The following MYO3B variants were observed in gnomAD, a reference collection of about 807,000 sequenced individuals.
MYO3B encodes myosin IIIB.
MYO3B carries 156 observed loss-of-function variants against 174.6 expected under a neutral mutation model. That is an observed-to-expected ratio of 0.89 (90% CI 0.78 to 1.02). The LOEUF (loss-of-function observed/expected upper bound fraction) is 1.02. Ranked by LOEUF, MYO3B falls within the 50% of genes least tolerant of loss-of-function variation. The pLI, the probability that MYO3B is intolerant of heterozygous loss-of-function variation, is 0.00. For missense variants in MYO3B, 1,632 were observed against 1,639.4 expected (o/e 1.00, Z 0.08); for synonymous variants, 563 against 569.1 (o/e 0.99, Z 0.15).
rs2092634502 is a variant in MYO3B at position 170,199,229 on chromosome 2, T to C, written c.24T>C (p.Phe8=). The stretch of plus-strand genomic sequence containing the variant: ...CCAGGAAACATCTGTATGGATTATT[T>C]CACTATAATCCTATGATGCTTGGAC... MKHLYGL[F]HYNPMMLGLE... The change falls in exon 2 of 35, where the codon TTT becomes TTC. Residue 8 remains phenylalanine (F), a synonymous_variant. Transcript: ENST00000408978. 1 of 1,611,568 alleles carries C rather than the reference T, an allele frequency of 6.2e-7. No individual in the cohort carries two copies. Among genetic ancestry groups the C allele is most frequent in the South Asian group, 1.1e-5 (1 of 90,670 alleles).
intron 32 of MYO3B, among the ~76,000 whole-genome samples, chr2:170,589,610 G>A (rs993275392): frequency 6.6e-6 from 1 of 152,104 alleles, no homozygotes; most frequent in Non-Finnish European, 1.5e-5. Flanking sequence ...AAGATATAAA[G>A]AAAATGTTTT....
intron 5 of MYO3B, among the ~76,000 whole-genome samples, chr2:170,216,510 T>C (rs1205064799): frequency 3.9e-4 from 60 of 152,226 alleles, no homozygotes; most frequent in Non-Finnish European, 1.6e-4. Flanking sequence ...TTTAATCCTG[T>C]GGACCTTTAC....
intron 32 of MYO3B, among the ~76,000 whole-genome samples, chr2:170,596,848 C>G (rs900372061): frequency 6.6e-6 from 1 of 152,228 alleles, no homozygotes; most frequent in African/African-American, 2.4e-5. Flanking sequence ...GGCTTAGATT[C>G]CTTCAGAAAA....
At chr2:170,290,381 T>TA (rs2105416165) in intron 7 of MYO3B, among the ~76,000 whole-genome samples, 1 of 152,314 alleles carries the variant, frequency 6.6e-6, no homozygotes, top group East Asian at 1.9e-4. Context: ...CATATATACT[T>TA]ACAATTGTTA....
At chr2:170,196,862 G>A (rs1182219756) in intron 1 of MYO3B, among the ~76,000 whole-genome samples, 1 of 152,170 alleles carries the variant, frequency 6.6e-6, no homozygotes, top group Admixed American at 6.6e-5. Flanking sequence ...ACCAGGCTAG[G>A]AGAAGGAGAG....
At chr2:170,437,018 G>A (rs1163624709) in intron 22 of MYO3B, among the ~76,000 whole-genome samples, 1 of 152,148 alleles carries the variant, frequency 6.6e-6, no homozygotes, top group Non-Finnish European at 1.5e-5. Flanking sequence ...AGTGCTTTTT[G>A]TAAGTTGTCT....
chr2:170,517,290 A>G (rs1384911871), intron 29 of MYO3B, among the ~76,000 whole-genome samples: 2 of 152,254 alleles, frequency 1.3e-5, no homozygotes, highest in African/African-American at 4.8e-5. Context: ...GAAACATGGA[A>G]TAAGTTTTCC....
chr2:170,453,433 CACACACACACACACACACACGA>C (rs1333545362), intron 23 of MYO3B, among the ~76,000 whole-genome samples: 3 of 136,422 alleles, frequency 2.2e-5, no homozygotes, highest in East Asian at 2.2e-4. Context: ...CACACACACA[CACACACACACACACACACACGA>C]GAGAGAGAGA....
intron 7 of MYO3B, among the ~76,000 whole-genome samples, chr2:170,289,656 T>G (rs1405396130): frequency 6.6e-6 from 1 of 152,104 alleles, no homozygotes; most frequent in Non-Finnish European, 1.5e-5. Context: ...AAACAAACTT[T>G]TCATTTCCTT....
chr2:170,235,571 C>T (rs996642408), intron 6 of MYO3B, among the ~76,000 whole-genome samples: 76 of 152,212 alleles, frequency 5.0e-4, no homozygotes, highest in Non-Finnish European at 9.9e-4. Flanking sequence ...GTTATACTCG[C>T]GGGAATTTCA....
intron 32 of MYO3B, among the ~76,000 whole-genome samples, chr2:170,603,466 TC>T (rs1195013911): frequency 1.3e-5 from 2 of 152,228 alleles, no homozygotes; most frequent in Non-Finnish European, 2.9e-5. Context: ...CTTAAAACTT[TC>T]GTATTTTTTT....
chr2:170,649,110 AAAT>A (rs1198970090), intron 32 of MYO3B, among the ~76,000 whole-genome samples: 7 of 71,910 alleles, frequency 9.7e-5, no homozygotes, highest in Non-Finnish European at 2.2e-5. Context: ...ATTATATATA[AAAT>A]AATATATAAT....
chr2:170,350,397 G>T (rs2094056085), intron 8 of MYO3B: 1 of 152,228 alleles, frequency 6.6e-6, no homozygotes, highest in Non-Finnish European at 1.5e-5. Flanking sequence ...GGCAATCTCA[G>T]TGGTTATTCC....
At chr2:170,263,169 A>G (rs1423772997) in intron 7 of MYO3B, among the ~76,000 whole-genome samples, 1 of 152,174 alleles carries the variant, frequency 6.6e-6, no homozygotes, top group Admixed American at 6.5e-5. Flanking sequence ...ATGAGTTGGT[A>G]GGTTAGAAAT....
chr2:170,543,027 C>A, intron 31 of MYO3B, 61 bp downstream of exon 31: 3 of 1,372,126 alleles, frequency 2.2e-6, no homozygotes, highest in Non-Finnish European at 3.1e-6. Flanking sequence ...CATCCAAGTT[C>A]ATAGGCATGA....
intron 32 of MYO3B, among the ~76,000 whole-genome samples, chr2:170,622,899 A>G (rs1343806303): frequency 6.6e-6 from 1 of 152,168 alleles, no homozygotes; most frequent in Non-Finnish European, 1.5e-5. Flanking sequence ...AAAGGACAGG[A>G]ACTCATCATT....
intron 7 of MYO3B, among the ~76,000 whole-genome samples, chr2:170,252,489 A>G (rs1450948942): frequency 6.6e-6 from 1 of 152,216 alleles, no homozygotes. Flanking sequence ...CATGGACTAT[A>G]AGTTGATGCT....
intron 7 of MYO3B, among the ~76,000 whole-genome samples, chr2:170,291,713 G>GTTTTTTTT (rs71006079): frequency 6.7e-6 from 1 of 150,054 alleles, no homozygotes; most frequent in Non-Finnish European, 1.5e-5. Context: ...TGGATGACAG[G>GTTTTTTTT]TTTTTTTTAT....
At chr2:170,566,987 C>A (rs553050441) in intron 32 of MYO3B, among the ~76,000 whole-genome samples, 2 of 152,248 alleles carry the variant, frequency 1.3e-5, no homozygotes, top group South Asian at 4.2e-4. Context: ...TTTCAACCAT[C>A]CAATCTTTAA....
Sources: allele counts gnomAD v4.1 joint callset (sites outside exome capture counted in the v4.1 genomes callset), GRCh38; gene constraint gnomAD v4.1.1; transcripts MANE v1.5; gene names NCBI Gene and HGNC (gene_info 2026-07-23, HGNC 2026-07-21).